SP100: variants seen among roughly 807,000 people sequenced by gnomAD.
SP100 encodes SP100 nuclear body protein, also known as nuclear autoantigen Sp-100.
SP100 carries 84 observed loss-of-function variants against 130.0 expected under a neutral mutation model. The observed-to-expected ratio is 0.65, with a 90% CI of 0.54 to 0.77. The LOEUF is 0.77. Ranked by LOEUF, SP100 falls within the 30% of genes least tolerant of loss-of-function variation. The pLI is 0.00. For missense variants in SP100, 978 were observed against 1,052.2 expected (o/e 0.93, Z 0.97); for synonymous variants, 331 against 351.7 (o/e 0.94, Z 0.66).
chr2:230,466,259 C>A (rs1338007287), intron 11 of SP100, 42 bp from the exon 12 acceptor site: 5 of 1,094,638 alleles, frequency 4.6e-6, no homozygotes, highest in South Asian at 1.3e-5. Context: ...ATTTATAAGT[C>A]TCTTGCATAC....
chr2:230,442,945 C>G lies in SP100; in HGVS notation c.116C>G (p.Thr39Arg). The G allele has an allele frequency of 6.2e-7, 1 of 1,613,182 alleles. No individual in the cohort carries two copies. The highest frequency in any genetic ancestry group is 2.2e-5 in the East Asian group (1 of 44,874). ...AHSHDLQRMF[T>R]EDQGVDDRLL... ...GTGTCCTTTTTCCCTAGGATGTTCA[C>G]GGAAGACCAGGGTGTAGATGACAGG... Residue 39 changes from threonine (T) to arginine (R), a missense_variant, in exon 3 of 29, where the codon ACG becomes AGG. Thr to Arg is a moderately conservative substitution (Grantham distance 71). Transcript: ENST00000340126.
In SP100 at chr2:230,434,511, G is replaced by T. The variant is rs554281609; in HGVS notation, c.108-8426G>T. On this transcript the variant is annotated intron_variant, in intron 2 of 28. Coordinates refer to ENST00000340126, the MANE Select transcript of SP100 (RefSeq NM_001080391.2). ...CTGCCCTCATGGCATATATATTTTTGGGGGAAAAGAGACAATAAAGAATAT... is the reference window on the plus strand; with the variant it reads ...CTGCCCTCATGGCATATATATTTTTTGGGGAAAAGAGACAATAAAGAATAT... Among the ~76,000 whole-genome samples the T allele has an allele frequency of 1.1e-4, 16 of 152,220 alleles. 1 individual carries two copies. The highest frequency in any genetic ancestry group is 6.2e-4 in the South Asian group (3 of 4,818).
chr2:230,514,920 A>C, intron 24 of SP100: 2 of 1,048,408 alleles, frequency 1.9e-6, no homozygotes, highest in Non-Finnish European at 2.6e-6. Flanking sequence ...AAAACCTACA[A>C]GAGATTGCAG....
chr2:230,429,771 A>G (rs1386593562), intron 2 of SP100, among the ~76,000 whole-genome samples: 2 of 151,472 alleles, frequency 1.3e-5, no homozygotes, highest in Non-Finnish European at 2.9e-5. Context: ...TCTTCCATCC[A>G]GTCATTGTAT....
At chr2:230,474,857 G>T (rs1176843554) in intron 17 of SP100, among the ~76,000 whole-genome samples, 1 of 152,026 alleles carries the variant, frequency 6.6e-6, no homozygotes, top group African/African-American at 2.4e-5. Context: ...TGCGAAGGGT[G>T]TGATTTCATT....
intron 24 of SP100, chr2:230,516,051 T>G: frequency 2.0e-6 from 2 of 994,454 alleles, no homozygotes; most frequent in Non-Finnish European, 2.4e-6. Flanking sequence ...GCTGTTTTGT[T>G]GACATTCTGA....
intron 17 of SP100, among the ~76,000 whole-genome samples, chr2:230,491,617 GGCT>G (rs2066395697): frequency 6.6e-6 from 1 of 152,190 alleles, no homozygotes; most frequent in South Asian, 2.1e-4. Flanking sequence ...TCCCAGTGCT[GGCT>G]GCTGAAGTGC....
chr2:230,524,906 G>T (rs1691351593), intron 24 of SP100, among the ~76,000 whole-genome samples: 1 of 152,156 alleles, frequency 6.6e-6, no homozygotes, highest in African/African-American at 2.4e-5. Context: ...CCAAGAAGAT[G>T]TGTTTTTATT....
Position 230,467,221 on chromosome 2 carries a change from A to C in SP100, c.1291+6A>C. On this transcript the variant is annotated splice_donor_region_variant and intron_variant, in intron 13 of 28. Transcript: ENST00000340126. Reference sequence around the variant, plus strand: ...AAGCAAGCATGGTGAGAAGGGTAAGAACAGCTCCCTTGACTTCAGGGCTCT... The same window carrying C: ...AAGCAAGCATGGTGAGAAGGGTAAGCACAGCTCCCTTGACTTCAGGGCTCT... 1.2e-6 allele frequency: 2 copies of C among 1,603,866 alleles called. No homozygotes were observed. The highest frequency in any genetic ancestry group is 1.7e-6 in the Non-Finnish European group (2 of 1,170,670).
chr2:230,491,589 G>A (rs2066393344), intron 17 of SP100, among the ~76,000 whole-genome samples: 1 of 152,202 alleles, frequency 6.6e-6, no homozygotes, highest in Admixed American at 6.5e-5. Flanking sequence ...AGAACTTAGA[G>A]TGTTAGGCAG....
At chr2:230,514,969 G>C (rs1226647844) in intron 24 of SP100, 88 of 1,500,414 alleles carry the variant, frequency 5.9e-5, no homozygotes, top group Non-Finnish European at 1.4e-5. Flanking sequence ...GCGCAAGTGA[G>C]AGCTGGACAG....
At chr2:230,525,106 TATGAG>T (rs960035306) in intron 24 of SP100, among the ~76,000 whole-genome samples, 2 of 152,150 alleles carry the variant, frequency 1.3e-5, no homozygotes, top group African/African-American at 4.8e-5. Flanking sequence ...AATAATTTTG[TATGAG>T]AAAGGATTTT....
chr2:230,498,744 G>A (rs1414237768), intron 19 of SP100, among the ~76,000 whole-genome samples: 1 of 152,040 alleles, frequency 6.6e-6, no homozygotes, highest in East Asian at 1.9e-4. Context: ...CATACCCCAG[G>A]GCCCAGGAGC....
chr2:230,444,156 T>G (rs765521064), intron 3 of SP100, 22 bp from the exon 4 acceptor site: 72 of 1,512,860 alleles, frequency 4.8e-5, no homozygotes, highest in Non-Finnish European at 5.0e-5. Flanking sequence ...ATTTATATTT[T>G]CTCCATTCAA....
chr2:230,531,430 G>A (rs1691698180), intron 24 of SP100, among the ~76,000 whole-genome samples: 2 of 150,844 alleles, frequency 1.3e-5, no homozygotes, highest in African/African-American at 4.9e-5. Context: ...GGGTTGAGGG[G>A]CTGGGGGAGG....
chr2:230,479,116 C>T (rs887396375), intron 17 of SP100, among the ~76,000 whole-genome samples: 4 of 152,190 alleles, frequency 2.6e-5, no homozygotes, highest in South Asian at 2.1e-4. Context: ...CCACCGTGCC[C>T]GGCCTAGGAT....
intron 17 of SP100, among the ~76,000 whole-genome samples, chr2:230,482,697 C>CATAT (rs71052513): frequency 0.15 from 23,023 of 149,892 alleles, 1,846 homozygotes; most frequent in Middle Eastern, 0.3. Flanking sequence ...CTGCCATTTA[C>CATAT]ATATATATAT....
intron 2 of SP100, among the ~76,000 whole-genome samples, chr2:230,430,844 ATTTGGACT>A: frequency 1.3e-5 from 2 of 152,180 alleles, no homozygotes; most frequent in Non-Finnish European, 2.9e-5. Context: ...CAGGGTCTCA[ATTTGGACT>A]TCCTGGTTAA....
At position 230,465,550 on chromosome 2, in the gene SP100, T is replaced by C. The variant is rs1056995350; in HGVS notation, c.1142-751T>C. Among the ~76,000 whole-genome samples the C allele has an allele frequency of 2.0e-5, 3 of 152,142 alleles. No homozygotes were observed. The South Asian group carries it at 6.2e-4, about 31-fold the overall frequency. On this transcript the variant is annotated intron_variant, in intron 11 of 28. Coordinates refer to ENST00000340126, the MANE Select transcript of SP100 (RefSeq NM_001080391.2). ...GTGGGATCTTAATAATAAGAACTTA[T>C]GAACACAAAGAAGGAAACAGCAGAT...
Sources: allele counts gnomAD v4.1 joint callset (sites outside exome capture counted in the v4.1 genomes callset), GRCh38; gene constraint gnomAD v4.1.1; transcripts MANE v1.5; gene names NCBI Gene and HGNC (gene_info 2026-07-23, HGNC 2026-07-21).